Variants in CATSPERG observed in about 807,000 individuals in gnomAD.
CATSPERG encodes the protein catsper channel auxiliary subunit gamma.
CATSPERG carries 115 observed loss-of-function variants against 145.0 expected under a neutral mutation model. The observed-to-expected ratio is 0.79, with a 90% CI of 0.68 to 0.93. The LOEUF (loss-of-function observed/expected upper bound fraction) is 0.93. Ranked by LOEUF, CATSPERG falls within the 40% of genes least tolerant of loss-of-function variation. CATSPERG has a pLI of 0.00. For missense variants in CATSPERG, 1,296 were observed against 1,490.1 expected (o/e 0.87, Z 2.14); for synonymous variants, 588 against 589.0 (o/e 1.00, Z 0.02).
intron 1 of CATSPERG, chr19:38,336,677 T>G: frequency 4.3e-6 from 1 of 233,872 alleles, no homozygotes; most frequent in Non-Finnish European, 8.7e-6. Context: ...CGGGTGGAAG[T>G]ACACGGGTGC....
chr19:38,358,031 T>A (rs924092886), intron 11 of CATSPERG: 2 of 496,608 alleles, frequency 4.0e-6, no homozygotes, highest in African/African-American at 3.9e-5. Flanking sequence ...GGTGGGAGGA[T>A]CACTTGAACC....
In CATSPERG at chr19:38,367,783, C is replaced by T; in HGVS notation, c.2930+7C>T. 1 of 1,612,008 alleles carries T rather than the reference C, an allele frequency of 6.2e-7. No individual in the cohort carries two copies. The highest frequency in any genetic ancestry group is 8.5e-7 in the Non-Finnish European group (1 of 1,178,158). ...TCAACAGCCCCCTGGACAAGTAATC[C>T]CCGTGGGGTCCCACGTGTAATCCAC... is the stretch of plus-strand genomic sequence containing the variant. On this transcript the variant is annotated splice_region_variant and intron_variant, in intron 25 of 28. Coordinates refer to ENST00000409235, the MANE Select transcript of CATSPERG (RefSeq NM_021185.5).
intron 16 of CATSPERG, among the ~76,000 whole-genome samples, chr19:38,361,345 G>A (rs1262229797): frequency 6.6e-6 from 1 of 152,136 alleles, no homozygotes; most frequent in Non-Finnish European, 1.5e-5. Context: ...GCTGGAGTCG[G>A]GACAGGGAAG....
Position 38,344,897 on chromosome 19 carries a change from A to ATTTTT in CATSPERG, c.669+530_669+531insTTTTT, listed in dbSNP as rs1338386699. Among the ~76,000 whole-genome samples, 4 of 104,628 alleles carry ATTTTT rather than the reference A, an allele frequency of 3.8e-5. 1 individual carries two copies. Among genetic ancestry groups the ATTTTT allele is most frequent in the Non-Finnish European group, 3.9e-5 (2 of 51,774 alleles). 68.6% of individuals were successfully genotyped at this position (104,628 alleles called of 152,430 possible). ...CACACACACACATATATATATATATATATATTTTTTTTTTTTTTTTTTTTT... is the reference window on the plus strand; with the variant it reads ...CACACACACACATATATATATATATATTTTTTATATTTTTTTTTTTTTTTTTTTTT... On this transcript the variant is annotated intron_variant, in intron 6 of 28. Transcript: ENST00000409235.
At chr19:38,336,776 G>C (rs186984475) in intron 1 of CATSPERG, 1 of 288,476 alleles carries the variant, frequency 3.5e-6, no homozygotes, top group Admixed American at 4.9e-5. Flanking sequence ...GAGCAAGAGT[G>C]GAATACAGGG....
chr19:38,341,656 C>T (rs1025443948), intron 3 of CATSPERG, among the ~76,000 whole-genome samples: 1 of 151,952 alleles, frequency 6.6e-6, no homozygotes, highest in African/African-American at 2.4e-5. Context: ...AATCCCAGCA[C>T]TTTGGGAGGC....
chr19:38,337,229 C>G lies in CATSPERG; in HGVS notation c.-6C>G. ...ACTCCTGCGTTCTCCAGGTTCTAGC[C>G]ACGTTATGTGCGGCCCAGCCATGTT... On this transcript the variant is annotated 5_prime_UTR_variant, in exon 2 of 29. Transcript: ENST00000409235. 1 of 1,550,674 alleles carries G rather than the reference C, an allele frequency of 6.4e-7. No individual in the cohort carries two copies. Among genetic ancestry groups the G allele is most frequent in the South Asian group, 1.2e-5 (1 of 84,040 alleles).
chr19:38,362,365 C>A lies in CATSPERG; in HGVS notation c.2158-11C>A. The A allele has an allele frequency of 6.2e-7, 1 of 1,614,136 alleles. No individual in the cohort carries two copies. Among genetic ancestry groups the A allele is most frequent in the Non-Finnish European group, 8.5e-7 (1 of 1,179,978 alleles). On this transcript the variant is annotated splice_polypyrimidine_tract_variant and intron_variant, in intron 18 of 28. Transcript: ENST00000409235. ...CGGCGCTGACTCTGCCCCGCGCATCCGGTACCCCAGGATTACTACTTCTTC... is the reference window on the plus strand; with the variant it reads ...CGGCGCTGACTCTGCCCCGCGCATCAGGTACCCCAGGATTACTACTTCTTC...
At chr19:38,359,677 G>T in intron 14 of CATSPERG, 96 bp downstream of exon 14, 1 of 1,489,556 alleles carries the variant, frequency 6.7e-7, no homozygotes, top group Non-Finnish European at 9.0e-7. Context: ...GCCAAGGGAA[G>T]GGGGCACCCT....
intron 23 of CATSPERG, 40 bp downstream of exon 23, chr19:38,367,352 TC>T: frequency 6.3e-7 from 1 of 1,595,740 alleles, no homozygotes; most frequent in Non-Finnish European, 8.5e-7. Flanking sequence ...TTCACTGCCC[TC>T]TTGCCCCCAC....
At chr19:38,360,457 G>GAC (rs758162507) in intron 14 of CATSPERG, 32 bp from the exon 15 acceptor site, 9 of 1,612,594 alleles carry the variant, frequency 5.6e-6, no homozygotes, top group Non-Finnish European at 6.8e-6. Flanking sequence ...CCATGGTCCT[G>GAC]ACACACACAC....
intron 22 of CATSPERG, 52 bp from the exon 23 acceptor site, chr19:38,367,104 G>C (rs1970463002): frequency 6.5e-7 from 1 of 1,539,942 alleles, no homozygotes; most frequent in Non-Finnish European, 8.7e-7. Flanking sequence ...ACCCCTCCAG[G>C]GGCCTGAGGA....
chr19:38,358,842 T>G (rs548083990), intron 13 of CATSPERG, among the ~76,000 whole-genome samples: 48 of 150,156 alleles, frequency 3.2e-4, no homozygotes, highest in African/African-American at 5.9e-4. Flanking sequence ...GTTTCTAGGG[T>G]TTTTTTTTGT....
chr19:38,349,676 G>T (rs186132583), intron 7 of CATSPERG: 5,256 of 151,912 alleles, frequency 0.035, 110 homozygotes, highest in East Asian at 0.048. Context: ...TTGTTTGTTT[G>T]TTTTTTGAGA....
intron 3 of CATSPERG, among the ~76,000 whole-genome samples, chr19:38,340,525 G>T (rs1004164864): frequency 6.6e-6 from 1 of 151,362 alleles, no homozygotes; most frequent in Admixed American, 6.6e-5. Context: ...TCTCCATATT[G>T]GTCAGGCTGG....
chr19:38,345,256 G>A (rs1264365933), intron 6 of CATSPERG, among the ~76,000 whole-genome samples: 1 of 150,958 alleles, frequency 6.6e-6, no homozygotes, highest in East Asian at 2.0e-4. Context: ...ACCACGCCCT[G>A]CTAATAATTT....
intron 18 of CATSPERG, 43 bp downstream of exon 18, chr19:38,362,315 G>C (rs768006297): frequency 7.4e-6 from 12 of 1,613,414 alleles, no homozygotes; most frequent in African/African-American, 1.3e-5. Flanking sequence ...GCGGCGCCCG[G>C]ACACCCCTCA....
intron 3 of CATSPERG, among the ~76,000 whole-genome samples, chr19:38,339,314 G>A (rs1171223090): frequency 6.6e-6 from 1 of 152,190 alleles, no homozygotes; most frequent in Non-Finnish European, 1.5e-5. Context: ...ATTCTATCGA[G>A]GCCATGAGGG....
chr19:38,370,309 T>G, intron 28 of CATSPERG, 51 bp downstream of exon 28: 1 of 1,518,212 alleles, frequency 6.6e-7, no homozygotes, highest in Non-Finnish European at 9.1e-7. Context: ...GGCCCACGCC[T>G]CCATACCTAT....
Sources: allele counts gnomAD v4.1 joint callset (sites outside exome capture counted in the v4.1 genomes callset), GRCh38; gene constraint gnomAD v4.1.1; transcripts MANE v1.5; gene names NCBI Gene and HGNC (gene_info 2026-07-23, HGNC 2026-07-21).